Variants in KATNIP observed in about 807,000 individuals in gnomAD.
KATNIP encodes katanin-interacting protein.
A neutral mutation model predicts 174.0 loss-of-function variants in KATNIP; 126 were observed. The ratio of observed to expected loss-of-function variants is 0.72; its 90% CI spans 0.63 to 0.84. KATNIP has a LOEUF of 0.84. Ranked by LOEUF, KATNIP falls within the 40% of genes least tolerant of loss-of-function variation. The pLI is 0.00. For synonymous variants in KATNIP, 810 were observed against 835.7 expected (o/e 0.97, Z 0.53); for missense variants, 1,958 against 2,109.7 (o/e 0.93, Z 1.41).
chr16:27,663,244 C>T (rs1471117223), intron 6 of KATNIP, among the ~76,000 whole-genome samples: 6 of 147,382 alleles, frequency 4.1e-5, no homozygotes, highest in African/African-American at 1.0e-4. Flanking sequence ...GTAATCCTCC[C>T]GCTTGGCCTC....
chr16:27,596,265 T>C (rs2075332552), intron 2 of KATNIP, among the ~76,000 whole-genome samples: 1 of 151,824 alleles, frequency 6.6e-6, no homozygotes, highest in Non-Finnish European at 1.5e-5. Flanking sequence ...TCCTGGGTAT[T>C]GTAAAGAGAG....
intron 3 of KATNIP, among the ~76,000 whole-genome samples, chr16:27,627,677 A>G (rs1249681817): frequency 6.6e-6 from 1 of 152,248 alleles, no homozygotes; most frequent in African/African-American, 2.4e-5. Flanking sequence ...TTTAGCATAC[A>G]GTATGCACCT....
chr16:27,679,536 C>G (rs1220122883), intron 7 of KATNIP, among the ~76,000 whole-genome samples: 1 of 152,044 alleles, frequency 6.6e-6, no homozygotes, highest in Non-Finnish European at 1.5e-5. Flanking sequence ...GGGAGGATCA[C>G]TTGAGTTCCA....
At chr16:27,707,245 A>G (rs766087773) in intron 12 of KATNIP, among the ~76,000 whole-genome samples, 1 of 152,204 alleles carries the variant, frequency 6.6e-6, no homozygotes, top group Non-Finnish European at 1.5e-5. Flanking sequence ...AACAGAGGGC[A>G]TGTGCACATG....
chr16:27,651,966 C>T (rs145372054), intron 6 of KATNIP, among the ~76,000 whole-genome samples: 148 of 152,282 alleles, frequency 9.7e-4, no homozygotes, highest in African/African-American at 3.0e-3. Context: ...GTGATTTGCC[C>T]GCCTCACCCT....
chr16:27,655,773 A>T lies in KATNIP; in HGVS notation c.540+7038A>T, dbSNP rs142958429. ...AAATAATGTTGCTCACCCAGGCCTC[A>T]GGGAAGCCCCTGCTGGAAGCCCAGG... On this transcript the variant is annotated intron_variant, in intron 6 of 27. Coordinates refer to ENST00000261588, the MANE Select transcript of KATNIP (RefSeq NM_015202.5). Among the ~76,000 whole-genome samples the T allele has an allele frequency of 1.8e-4, 27 of 152,242 alleles. No homozygotes were observed. In the East Asian group the frequency reaches 5.2e-3, roughly 29 times the overall value.
chr16:27,734,834 T>G (rs2080840466), intron 14 of KATNIP, among the ~76,000 whole-genome samples: 1 of 152,208 alleles, frequency 6.6e-6, no homozygotes, highest in African/African-American at 2.4e-5. Context: ...AGATGGTGGT[T>G]AAGACCTTAG....
At position 27,777,960 on chromosome 16, in the gene KATNIP, G is replaced by A. The variant is rs1400071000; in HGVS notation, c.4792G>A (p.Val1598Ile). 40 of 1,613,906 alleles carry A rather than the reference G, an allele frequency of 2.5e-5. 2 individuals carry two copies. The Admixed American group carries it at 6.3e-4, about 26-fold the overall frequency. Residue 1598 changes from valine (V) to isoleucine (I), a missense_variant, in exon 27 of 28, where the codon GTT becomes ATT. Around this residue, in one of 3 missense-constraint regions of KATNIP, gnomAD observed 383 missense variants for 456.0 expected, o/e 0.84. Coordinates refer to ENST00000261588, the MANE Select transcript of KATNIP (RefSeq NM_015202.5). This position sits in a 1 kb window ranked among gnomAD's most constrained non-coding sequence, Gnocchi z 4.4. ...CAACGCGAAACGGAAGCAGAGCGTT[G>A]TTGACCCAGGTCAGTGGCGTTTCTC... ...ITNAKRKQSV[V>I]DPALRPKTCI...
In KATNIP at chr16:27,778,478, G is replaced by T. The variant is rs1208414078; in HGVS notation, c.4802-96G>T. ...GGGACTTTTCCAAGGGCCTTGAATG[G>T]CAACCCAGGCTGCTGGATTTCACTG... On this transcript the variant is annotated intron_variant, in intron 27 of 27. Coordinates refer to ENST00000261588, the MANE Select transcript of KATNIP (RefSeq NM_015202.5). The T allele has an allele frequency of 1.5e-5, 20 of 1,305,896 alleles. No homozygotes were observed. The East Asian group carries it at 4.6e-4, about 30-fold the overall frequency. 80.9% of individuals were successfully genotyped at this position (1,305,896 alleles called of 1,614,324 possible).
At chr16:27,617,748 C>G (rs940084347) in intron 2 of KATNIP, among the ~76,000 whole-genome samples, 6 of 152,054 alleles carry the variant, frequency 3.9e-5, no homozygotes, top group Admixed American at 3.9e-4. Context: ...TTCCCCTCCC[C>G]TTTTTGTTCT....
intron 8 of KATNIP, among the ~76,000 whole-genome samples, chr16:27,682,535 G>A (rs2078384510): frequency 6.6e-6 from 1 of 152,188 alleles, no homozygotes; most frequent in Admixed American, 6.5e-5. Context: ...GAGGGTGGGG[G>A]CTCAGTCTCG....
At chr16:27,660,784 C>T (rs114251692) in intron 6 of KATNIP, among the ~76,000 whole-genome samples, 64 of 152,188 alleles carry the variant, frequency 4.2e-4, no homozygotes, top group African/African-American at 1.5e-3. Flanking sequence ...TACAGGCACA[C>T]ACCACCGCAT....
At chr16:27,683,989 G>T (rs73535050) in intron 8 of KATNIP, among the ~76,000 whole-genome samples, 4,075 of 152,286 alleles carry the variant, frequency 0.027, 159 homozygotes, top group African/African-American at 0.092. Flanking sequence ...GAGTGGCACG[G>T]TGGTGGTCGT....
rs771883563 is a variant in KATNIP at position 27,750,219 on chromosome 16, C to T, written c.3259C>T (p.Arg1087Ter). 19 of 1,613,900 alleles carry T rather than the reference C, an allele frequency of 1.2e-5. No individual in the cohort carries two copies. Among genetic ancestry groups the T allele is most frequent in the South Asian group, 6.6e-5 (6 of 91,078 alleles). Residue 1087 changes from arginine to a stop codon, truncating the protein, a stop_gained, in exon 16 of 28, where the codon CGA (arginine) becomes TGA (stop). Transcript: ENST00000261588. LOFTEE classifies it high-confidence loss of function. ...NYNKSRIHSF[R>*]GVKDITMLLD... ...CAATAAATCTCGGATACATTCCTTC[C>T]GAGGCGTGAAGGACATCACAATGCT...
chr16:27,658,979 C>G (rs2077381366), intron 6 of KATNIP, among the ~76,000 whole-genome samples: 1 of 151,368 alleles, frequency 6.6e-6, no homozygotes, highest in South Asian at 2.1e-4. Context: ...GTTGGCCAGG[C>G]TAGTCTCAAA....
chr16:27,644,512 A>C (rs1289870041), intron 5 of KATNIP: 1 of 151,422 alleles, frequency 6.6e-6, no homozygotes, highest in Non-Finnish European at 1.5e-5. Flanking sequence ...TTCTTTGCTC[A>C]CTTTTTCTTT....
intron 2 of KATNIP, among the ~76,000 whole-genome samples, chr16:27,590,510 T>TA (rs1349873050): frequency 6.6e-6 from 1 of 152,140 alleles, no homozygotes; most frequent in Non-Finnish European, 1.5e-5. Flanking sequence ...TGCCAATACT[T>TA]ACGGGCAGAG....
intron 2 of KATNIP, among the ~76,000 whole-genome samples, chr16:27,617,299 G>A (rs567854387): frequency 6.6e-6 from 1 of 152,310 alleles, no homozygotes; most frequent in East Asian, 1.9e-4. Flanking sequence ...TCTTGGATAT[G>A]CTGGTTTTTT....
intron 27 of KATNIP, 49 bp from the exon 28 acceptor site, chr16:27,778,525 A>G (rs774930302): frequency 6.3e-7 from 1 of 1,588,738 alleles, no homozygotes; most frequent in Non-Finnish European, 8.6e-7. Context: ...GCACCCCTCC[A>G]GGGTTTGAGA....
Sources: allele counts gnomAD v4.1 joint callset (sites outside exome capture counted in the v4.1 genomes callset), GRCh38; gene constraint gnomAD v4.1.1; regional missense constraint gnomAD v4.1.1; non-coding constraint Gnocchi (gnomAD v3.1); transcripts MANE v1.5; gene names NCBI Gene and HGNC (gene_info 2026-07-23, HGNC 2026-07-21).